Variants in NCR1 observed in about 807,000 individuals in gnomAD.
NCR1 encodes the protein NK cell-activating receptor.
NCR1 carries 30 observed loss-of-function variants against 32.5 expected under a neutral mutation model. The observed-to-expected ratio is 0.92, with a 90% CI of 0.69 to 1.25. NCR1 has a LOEUF of 1.25. Ranked by LOEUF, NCR1 falls within the 50% of genes most tolerant of loss-of-function variation. The pLI is 0.00. For missense variants in NCR1, 369 were observed against 380.7 expected (o/e 0.97, Z 0.26); for synonymous variants, 169 against 143.4 (o/e 1.18, Z -1.28).
the NCR1 span, chr19:54,936,196 G>C: frequency 6.9e-7 from 1 of 1,452,306 alleles, no homozygotes; most frequent in South Asian, 1.1e-5. Context: ...CTTTTTCCTA[G>C]ATCCCCCAGC....
chr19:54,925,997 T>G, the NCR1 span, among the ~76,000 whole-genome samples: 1 of 150,676 alleles, frequency 6.6e-6, no homozygotes, highest in Non-Finnish European at 1.5e-5. Flanking sequence ...CTGGAGTCTC[T>G]GTCTCAAAAA....
the NCR1 span, chr19:54,930,565 A>G: frequency 6.2e-7 from 1 of 1,612,444 alleles, no homozygotes; most frequent in Non-Finnish European, 8.5e-7. Context: ...TCCACGAGCT[A>G]TCTGGTTGAT....
the NCR1 span, chr19:54,923,907 A>G: frequency 1.2e-6 from 2 of 1,610,390 alleles, no homozygotes; most frequent in Non-Finnish European, 1.7e-6. Flanking sequence ...GTTCCCAGAA[A>G]TTCATTCTCA....
the NCR1 span, chr19:54,936,231 G>A: frequency 2.5e-6 from 4 of 1,603,142 alleles, no homozygotes; most frequent in East Asian, 2.2e-5. Context: ...GACTCCAGGT[G>A]CTGGGGAGAG....
chr19:54,920,219 A>G (rs1188267319), downstream of NCR1, among the ~76,000 whole-genome samples: 1 of 152,056 alleles, frequency 6.6e-6, no homozygotes, highest in Non-Finnish European at 1.5e-5. Flanking sequence ...GCAATTGTGA[A>G]TGGCTGAGCC....
rs189703314 is a variant in NCR1, at chr19:54,906,328, C to T, written c.64C>T (p.Gln22Ter). The T allele has an allele frequency of 6.2e-6, 10 of 1,613,768 alleles. No individual in the cohort carries two copies. The African/African-American group carries it at 1.3e-4, about 22-fold the overall frequency. Residue 22 changes from glutamine to a stop codon, truncating the protein, a stop_gained, in exon 2 of 7, where the codon CAG becomes TAG. Coordinates refer to ENST00000291890, the MANE Select transcript of NCR1 (RefSeq NM_004829.7). LOFTEE classifies it high-confidence loss of function. ...GTGTCTGAGTCAGAGGATCAGCGCC[C>T]AGCAGCGTGAGTCCTTCCTTCAAAG... Reference protein sequence around the residue: ...GLCLSQRISAQQQTLPKPFIW... With the variant: ...GLCLSQRISA
At chr19:54,920,334 A>C (rs541382839), downstream of NCR1, among the ~76,000 whole-genome samples, 6 of 152,282 alleles carry the variant, frequency 3.9e-5, no homozygotes, top group East Asian at 1.2e-3. Flanking sequence ...GCTCAGGCTC[A>C]TCCAAGTCCA....
At chr19:54,937,042 C>A in the NCR1 span, among the ~76,000 whole-genome samples, 2 of 151,664 alleles carry the variant, frequency 1.3e-5, no homozygotes, top group Non-Finnish European at 2.9e-5. Context: ...CACGGTGAAA[C>A]CCCGTCTTTA....
At chr19:54,933,493 A>G in the NCR1 span, 1 of 1,562,224 alleles carries the variant, frequency 6.4e-7, no homozygotes, top group Non-Finnish European at 8.8e-7. Context: ...TACATTTGAA[A>G]TGAATTAACA....
At chr19:54,901,658 A>G (rs1333382438), upstream of NCR1, among the ~76,000 whole-genome samples, 2 of 152,140 alleles carry the variant, frequency 1.3e-5, no homozygotes, top group East Asian at 3.9e-4. Context: ...AAATCAGAAT[A>G]AAGTCTATAG....
At position 54,906,576 on chromosome 19, in the gene NCR1, G is replaced by C. The variant is rs1250731832; in HGVS notation, c.124G>C (p.Glu42Gln). 1 of 1,613,342 alleles carries C rather than the reference G, an allele frequency of 6.2e-7. No homozygotes were observed. The highest frequency in any genetic ancestry group is 8.5e-7 in the Non-Finnish European group (1 of 1,180,048). Reference protein sequence around the residue: ...WAEPHFMVPKEKQVTICCQGN... With the variant: ...WAEPHFMVPKQKQVTICCQGN... ...CGAGCCCCATTTCATGGTTCCAAAG[G>C]AAAAGCAAGTGACCATCTGTTGCCA... The change falls in exon 3 of 7, where the codon GAA (glutamate) becomes CAA (glutamine). Residue 42 changes from glutamate (E) to glutamine (Q), a missense_variant. By Grantham distance (29) the Glu-to-Gln change is conservative (BLOSUM62 2). Coordinates refer to ENST00000291890, the MANE Select transcript of NCR1 (RefSeq NM_004829.7).
Position 54,906,754 on chromosome 19 carries a change from G to C in NCR1, c.302G>C (p.Arg101Pro). 6.2e-7 allele frequency: 1 copy of C among 1,614,174 alleles called. No individual in the cohort carries two copies. The highest frequency in any genetic ancestry group is 8.5e-7 in the Non-Finnish European group (1 of 1,180,036). Reference sequence around the variant, plus strand: ...GCAGGGCAATACAGCTGCATCTATCGGGTTGGGGAGCTCTGGTCAGAGCCC... The same window carrying C: ...GCAGGGCAATACAGCTGCATCTATCCGGTTGGGGAGCTCTGGTCAGAGCCC... ...RMAGQYSCIY[R>P]VGELWSEPSN... The change falls in exon 3 of 7, where the codon CGG becomes CCG. Residue 101 changes from arginine (R) to proline (P), a missense_variant. Arg to Pro is a moderately radical substitution (Grantham distance 103). Coordinates refer to ENST00000291890, the MANE Select transcript of NCR1 (RefSeq NM_004829.7).
downstream of NCR1, among the ~76,000 whole-genome samples, chr19:54,920,306 G>A (rs77747419): frequency 0.022 from 3,306 of 152,252 alleles, 100 homozygotes; most frequent in African/African-American, 0.074. Context: ...TGGTTGTCAC[G>A]AGTTGCAGTG....
intron 3 of NCR1, among the ~76,000 whole-genome samples, chr19:54,908,518 G>A (rs2067757736): frequency 1.3e-5 from 2 of 152,138 alleles, no homozygotes; most frequent in Admixed American, 1.3e-4. Flanking sequence ...TCCCAGACGG[G>A]GTGGCGGCCG....
the NCR1 span, chr19:54,933,884 A>G: frequency 1.3e-6 from 1 of 741,020 alleles, no homozygotes; most frequent in East Asian, 2.6e-5. Flanking sequence ...CATCATGGCC[A>G]CAAAAGAGCA....
Position 54,909,412 on chromosome 19 carries a change from T to C in NCR1, c.523T>C (p.Phe175Leu), listed in dbSNP as rs147784405. The C allele has an allele frequency of 2.5e-6, 4 of 1,613,564 alleles. No homozygotes were observed. The highest frequency in any genetic ancestry group is 2.2e-5 in the East Asian group (1 of 44,840). Residue 175 changes from phenylalanine to leucine, a missense_variant, in exon 4 of 7, where the codon TTC becomes CTC. Coordinates refer to ENST00000291890, the MANE Select transcript of NCR1 (RefSeq NM_004829.7). ...QRGYGKVQAE[F>L]PLGPVTTAHR... ...CGGATACGGGAAGGTCCAGGCGGAG[T>C]TCCCCCTGGGCCCTGTGACCACAGC... is the stretch of plus-strand genomic sequence containing the variant.
chr19:54,914,091 A>G (rs574715368), downstream of NCR1, among the ~76,000 whole-genome samples: 3 of 151,278 alleles, frequency 2.0e-5, no homozygotes, highest in African/African-American at 7.3e-5. Flanking sequence ...AAAAAAAAAA[A>G]TAAGTGACTC....
At chr19:54,915,035 G>A (rs538327117), downstream of NCR1, among the ~76,000 whole-genome samples, 2 of 152,086 alleles carry the variant, frequency 1.3e-5, no homozygotes, top group East Asian at 1.9e-4. Flanking sequence ...GAGCCACTGC[G>A]CCCAGCCAAG....
At chr19:54,917,078 T>C (rs1234596963), downstream of NCR1, among the ~76,000 whole-genome samples, 1 of 151,964 alleles carries the variant, frequency 6.6e-6, no homozygotes, top group Non-Finnish European at 1.5e-5. Flanking sequence ...ATTTGACACG[T>C]TGACCACTTC....
Sources: gnomAD v4.1 joint callset for allele counts (sites outside exome capture counted in the v4.1 genomes callset) on GRCh38, gnomAD v4.1.1 for gene constraint, MANE v1.5 for transcripts, NCBI Gene and HGNC (gene_info 2026-07-23, HGNC 2026-07-21) for gene names.